The following ARID5B variants were observed in gnomAD, a reference collection of about 807,000 sequenced individuals.
ARID5B encodes the protein AT-rich interactive domain-containing protein 5B.
Under a neutral mutation model 97.2 loss-of-function variants are expected in ARID5B, and 13 were observed. That is an observed-to-expected ratio of 0.13 (90% CI 0.09 to 0.21). The LOEUF (loss-of-function observed/expected upper bound fraction) is 0.21, where lower values mean the gene tolerates loss of function less well. ARID5B is among the 10% of genes least tolerant of loss of function. The pLI is 1.00. For synonymous variants in ARID5B, 556 were observed against 570.3 expected, an observed-to-expected ratio of 0.97 and a Z score of 0.36; for missense variants, 1,210 against 1,465.3, an observed-to-expected ratio of 0.83 and a Z score of 2.84.
intron 4 of ARID5B, among the ~76,000 whole-genome samples, chr10:62,026,517 G>C (rs1166105782): frequency 6.6e-6 from 1 of 152,190 alleles, no homozygotes; most frequent in Non-Finnish European, 1.5e-5. Flanking sequence ...TACTCCAATA[G>C]AGCTAAATGA....
chr10:62,087,034 C>T (rs1334823106), intron 9 of ARID5B, among the ~76,000 whole-genome samples: 2 of 151,928 alleles, frequency 1.3e-5, no homozygotes, highest in East Asian at 3.9e-4. Flanking sequence ...GGCGCGGTGG[C>T]TCACGCCTGT....
chr10:62,056,180 G>A (rs908502378), intron 5 of ARID5B, among the ~76,000 whole-genome samples: 10 of 152,294 alleles, frequency 6.6e-5, no homozygotes, highest in East Asian at 1.9e-4. Context: ...TTAGCCGCTC[G>A]ATATGCCAAG....
chr10:61,986,802 A>G (rs1350949983), intron 3 of ARID5B, among the ~76,000 whole-genome samples: 1 of 152,156 alleles, frequency 6.6e-6, no homozygotes, highest in Non-Finnish European at 1.5e-5. Context: ...CAAAGCAATA[A>G]TCAGACAAGT....
At chr10:62,052,838 G>A (rs1439019230) in intron 5 of ARID5B, among the ~76,000 whole-genome samples, 1 of 152,184 alleles carries the variant, frequency 6.6e-6, no homozygotes, top group Non-Finnish European at 1.5e-5. Flanking sequence ...TTCTTCCACC[G>A]TTGGTGTTCA....
intron 3 of ARID5B, among the ~76,000 whole-genome samples, chr10:61,957,265 T>C (rs1251305645): frequency 6.6e-6 from 1 of 152,220 alleles, no homozygotes; most frequent in Non-Finnish European, 1.5e-5. Context: ...CTTTATTGTC[T>C]TGTTTTTTTG....
intron 3 of ARID5B, among the ~76,000 whole-genome samples, chr10:61,973,216 G>T (rs927535497): frequency 3.3e-5 from 5 of 152,144 alleles, no homozygotes; most frequent in East Asian, 1.9e-4. Flanking sequence ...TGTATGTGGC[G>T]GGGGAGGGGA....
chr10:62,092,867 C>T lies in ARID5B; in HGVS notation c.3404C>T (p.Thr1135Ile). ...VMQRGIFTSP[T>I]NSQQLYRHLA... ...CAAAGAGGAATTTTTACATCACCGA[C>T]AAATTCTCAGCAGCTGTACAGACAC... is the stretch of plus-strand genomic sequence containing the variant. The change falls in exon 10 of 10, where the codon ACA becomes ATA. Residue 1135 changes from threonine to isoleucine, a missense_variant. Coordinates refer to ENST00000279873, the MANE Select transcript of ARID5B (RefSeq NM_032199.3). The T allele has an allele frequency of 1.9e-6, 3 of 1,614,234 alleles. No homozygotes were observed. The East Asian group carries it at 6.7e-5, about 36-fold the overall frequency.
At chr10:62,013,794 GTA>G (rs60930079) in intron 4 of ARID5B, among the ~76,000 whole-genome samples, 8,255 of 138,756 alleles carry the variant, frequency 0.059, 785 homozygotes, top group African/African-American at 0.2. Flanking sequence ...ATTCCATTGG[GTA>G]TATATATATA....
intron 3 of ARID5B, among the ~76,000 whole-genome samples, chr10:61,956,187 G>A (rs1452225745): frequency 6.6e-6 from 1 of 152,194 alleles, no homozygotes; most frequent in Non-Finnish European, 1.5e-5. Flanking sequence ...TAGCCTGCCT[G>A]AACATTACTG....
chr10:62,089,172 T>C (rs1840332763), intron 9 of ARID5B, among the ~76,000 whole-genome samples: 1 of 152,204 alleles, frequency 6.6e-6, no homozygotes, highest in Non-Finnish European at 1.5e-5. Flanking sequence ...TTGTGTCATG[T>C]ATAAGCTCAA....
intron 4 of ARID5B, among the ~76,000 whole-genome samples, chr10:62,014,700 C>T (rs535172108): frequency 7.2e-5 from 11 of 152,028 alleles, no homozygotes; most frequent in Non-Finnish European, 1.6e-4. Flanking sequence ...AATGGAATGT[C>T]GGACCGGTTT....
chr10:61,956,936 G>GT (rs1838399526), intron 3 of ARID5B, among the ~76,000 whole-genome samples: 1 of 152,054 alleles, frequency 6.6e-6, no homozygotes, highest in Admixed American at 6.6e-5. Flanking sequence ...ATTGGTTTTT[G>GT]TTTTTTTGAA....
chr10:61,963,666 G>A (rs539037657), intron 3 of ARID5B, among the ~76,000 whole-genome samples: 4 of 151,932 alleles, frequency 2.6e-5, no homozygotes, highest in Non-Finnish European at 5.9e-5. Context: ...AAAGCTCCAT[G>A]GAAAATGATA....
intron 2 of ARID5B, among the ~76,000 whole-genome samples, chr10:61,911,645 G>A (rs553191904): frequency 2.0e-5 from 3 of 152,080 alleles, no homozygotes; most frequent in Non-Finnish European, 2.9e-5. Flanking sequence ...TGCACTGCAC[G>A]AGCGGCACCC....
chr10:62,090,842 C>A lies in ARID5B; in HGVS notation c.1399-20C>A. On this transcript the variant is annotated intron_variant, in intron 9 of 9. Coordinates refer to ENST00000279873, the MANE Select transcript of ARID5B (RefSeq NM_032199.3). ...GTGTATTTGGTTTTCTTCTGACTGTCTTTTGAAATATGTTACCAGGTTTCA... is the reference window on the plus strand; with the variant it reads ...GTGTATTTGGTTTTCTTCTGACTGTATTTTGAAATATGTTACCAGGTTTCA... 1 of 1,539,918 alleles carries A rather than the reference C, an allele frequency of 6.5e-7. No homozygotes were observed. The highest frequency in any genetic ancestry group is 1.3e-5 in the South Asian group (1 of 77,408).
chr10:62,003,046 A>T (rs1472309916), intron 4 of ARID5B, among the ~76,000 whole-genome samples: 1 of 152,220 alleles, frequency 6.6e-6, no homozygotes, highest in Non-Finnish European at 1.5e-5. Flanking sequence ...AATACCTCCA[A>T]GGCCCTTCTC....
chr10:62,016,960 AG>A (rs561323365), intron 4 of ARID5B, among the ~76,000 whole-genome samples: 16 of 152,314 alleles, frequency 1.1e-4, no homozygotes, highest in Non-Finnish European at 1.8e-4. Context: ...GCTTATGGTT[AG>A]ATTCTTACTA....
intron 2 of ARID5B, among the ~76,000 whole-genome samples, chr10:61,919,938 C>A (rs113772592): frequency 6.6e-6 from 1 of 151,764 alleles, no homozygotes; most frequent in East Asian, 1.9e-4. Flanking sequence ...TATTTCTTTA[C>A]ATTATAGGTC....
chr10:61,906,340 T>C (rs1843708003), intron 2 of ARID5B, among the ~76,000 whole-genome samples: 1 of 152,184 alleles, frequency 6.6e-6, no homozygotes, highest in Non-Finnish European at 1.5e-5. Flanking sequence ...TAGTAATTAC[T>C]TAGAATTGCC....
Sources: gnomAD v4.1 joint callset for allele counts (sites outside exome capture counted in the v4.1 genomes callset) on GRCh38, gnomAD v4.1.1 for gene constraint, MANE v1.5 for transcripts, NCBI Gene and HGNC (gene_info 2026-07-23, HGNC 2026-07-21) for gene names.